CBFA2T3: variants seen among roughly 807,000 people sequenced by gnomAD.
The protein encoded by CBFA2T3 is CBFA2/RUNX1 partner transcriptional co-repressor 3.
Under a neutral mutation model 58.6 loss-of-function variants are expected in CBFA2T3, and 31 were observed. The observed-to-expected ratio is 0.53, with a 90% confidence interval of 0.40 to 0.71. CBFA2T3 has a LOEUF of 0.71. Among genes scored for constraint, CBFA2T3 ranks in the 30% least tolerant of loss-of-function variants. CBFA2T3 has a pLI of 0.00. For synonymous variants in CBFA2T3, 531 were observed against 421.9 expected, an observed-to-expected ratio of 1.26 and a Z score of -3.17; for missense variants, 1,076 against 963.1, an observed-to-expected ratio of 1.12 and a Z score of -1.55.
chr16:88,953,810 C>T lies in CBFA2T3; in HGVS notation c.151+22847G>A, dbSNP rs541129088. Among the ~76,000 whole-genome samples the T allele has an allele frequency of 6.6e-6, 1 of 152,176 alleles. No homozygotes were observed. Among genetic ancestry groups the T allele is most frequent in the African/African-American group, 2.4e-5 (1 of 41,422 alleles). On this transcript the variant is annotated intron_variant, in intron 1 of 11. Transcript: ENST00000268679. This position sits in a 1 kb window ranked among gnomAD's most constrained non-coding sequence, Gnocchi z 4.9. ...CCCTGAATCTTAATCATATGTGTCT[C>T]TGGGTTTCCCTTAAGGGGGATGGCT...
intron 1 of CBFA2T3, among the ~76,000 whole-genome samples, chr16:88,927,221 G>A (rs550585583): frequency 6.6e-6 from 1 of 152,228 alleles, no homozygotes; most frequent in Admixed American, 6.5e-5. Context: ...ATGGAGGCGT[G>A]GCTCAGAGAT....
intron 3 of CBFA2T3, among the ~76,000 whole-genome samples, chr16:88,895,435 G>A (rs760594902): frequency 2.6e-5 from 4 of 152,204 alleles, no homozygotes; most frequent in Admixed American, 2.0e-4. Flanking sequence ...CAGGCTGCGC[G>A]GTTATCACAC....
intron 1 of CBFA2T3, among the ~76,000 whole-genome samples, chr16:88,928,588 C>T (rs1971162723): frequency 1.3e-5 from 2 of 152,238 alleles, no homozygotes. Context: ...GCCGGCGACC[C>T]CGGGCGCTGT....
intron 1 of CBFA2T3, among the ~76,000 whole-genome samples, chr16:88,907,852 A>G (rs114101017): frequency 0.054 from 8,153 of 152,312 alleles, 354 homozygotes; most frequent in African/African-American, 0.12. Context: ...CTGGCTCTGG[A>G]CACAGTGCGC....
At chr16:88,914,083 G>GA (rs1970611420) in intron 1 of CBFA2T3, among the ~76,000 whole-genome samples, 1 of 152,178 alleles carries the variant, frequency 6.6e-6, no homozygotes, top group Non-Finnish European at 1.5e-5. Flanking sequence ...ATACAGCAAG[G>GA]AAAAAGGACA....
chr16:88,956,461 C>T (rs1347311235), intron 1 of CBFA2T3, among the ~76,000 whole-genome samples: 2 of 152,226 alleles, frequency 1.3e-5, no homozygotes, highest in Non-Finnish European at 1.5e-5. Context: ...CAGCAGCTCC[C>T]GGAGGGTGGA....
At chr16:88,930,056 C>G (rs903036666) in intron 1 of CBFA2T3, among the ~76,000 whole-genome samples, 13 of 137,338 alleles carry the variant, frequency 9.5e-5, no homozygotes, top group East Asian at 2.2e-4. Flanking sequence ...ACAGCTGCAT[C>G]GTCCACGCAA....
At chr16:88,904,250 C>T (rs1263405747) in intron 1 of CBFA2T3, among the ~76,000 whole-genome samples, 1 of 152,122 alleles carries the variant, frequency 6.6e-6, no homozygotes, top group Non-Finnish European at 1.5e-5. Context: ...CTTCAGAGGC[C>T]TGGACAGAGG....
chr16:88,905,481 C>A (rs1450215509), intron 1 of CBFA2T3, among the ~76,000 whole-genome samples: 1 of 151,944 alleles, frequency 6.6e-6, no homozygotes, highest in African/African-American at 2.4e-5. Flanking sequence ...TCTTGTTTGA[C>A]CTGTTTGCAG....
At chr16:88,884,845 G>T in intron 7 of CBFA2T3, 1 of 478,662 alleles carries the variant, frequency 2.1e-6, no homozygotes, top group Non-Finnish European at 3.7e-6. Context: ...GGGGGGAGAG[G>T]TGGGTTCAGG....
intron 1 of CBFA2T3, among the ~76,000 whole-genome samples, chr16:88,916,184 G>A (rs7193498): frequency 0.049 from 7,450 of 151,794 alleles, 564 homozygotes; most frequent in African/African-American, 0.16. Flanking sequence ...TCATGTGTGC[G>A]CATGGGTGTG....
At chr16:88,911,829 G>T (rs1331356060) in intron 1 of CBFA2T3, among the ~76,000 whole-genome samples, 2 of 152,262 alleles carry the variant, frequency 1.3e-5, no homozygotes, top group Non-Finnish European at 2.9e-5. Context: ...CTGAGCATCA[G>T]TGTTGGGGAA....
intron 1 of CBFA2T3, among the ~76,000 whole-genome samples, chr16:88,967,348 C>T (rs535693345): frequency 7.2e-5 from 11 of 152,380 alleles, no homozygotes; most frequent in South Asian, 4.1e-4. Flanking sequence ...TGTAACTGTG[C>T]GAGACACACT....
intron 1 of CBFA2T3, among the ~76,000 whole-genome samples, chr16:88,967,025 C>G (rs190224237): frequency 2.0e-5 from 3 of 152,290 alleles, no homozygotes; most frequent in Admixed American, 2.0e-4. Flanking sequence ...TTGATTGAAG[C>G]ATTGTTTGTA....
chr16:88,949,776 C>G (rs1597781043), intron 1 of CBFA2T3, among the ~76,000 whole-genome samples: 1 of 151,946 alleles, frequency 6.6e-6, no homozygotes. Flanking sequence ...TTTGGGAGGC[C>G]GAGGCAGGCA....
chr16:88,905,078 C>CA (rs1335691605), intron 1 of CBFA2T3, among the ~76,000 whole-genome samples: 1 of 151,576 alleles, frequency 6.6e-6, no homozygotes, highest in Non-Finnish European at 1.5e-5. Context: ...CATTTGTGGC[C>CA]AAGAGAACAG....
intron 1 of CBFA2T3, among the ~76,000 whole-genome samples, chr16:88,905,881 G>C (rs577221417): frequency 2.6e-5 from 4 of 151,896 alleles, no homozygotes; most frequent in African/African-American, 9.7e-5. Context: ...CAGGGCAGGA[G>C]ACCCATGGCT....
intron 7 of CBFA2T3, chr16:88,884,236 G>C (rs1486730578): frequency 6.6e-6 from 1 of 152,254 alleles, no homozygotes. Context: ...CTGGGAGATG[G>C]CCTTGTGTAG....
chr16:88,919,492 G>A lies in CBFA2T3; in HGVS notation c.152-17836C>T, dbSNP rs528734757. ...CTAAATAAACATTCCTAACATCAGC[G>A]TGGCCTCAGGCGCTGTCCCTACCGC... On this transcript the variant is annotated intron_variant, in intron 1 of 11. Transcript: ENST00000268679. Among the ~76,000 whole-genome samples the A allele has an allele frequency of 3.3e-5, 5 of 152,298 alleles. No individual in the cohort carries two copies. The South Asian group carries it at 6.2e-4, about 19-fold the overall frequency.
Sources: allele counts gnomAD v4.1 joint callset (sites outside exome capture counted in the v4.1 genomes callset), GRCh38; gene constraint gnomAD v4.1.1; non-coding constraint Gnocchi (gnomAD v3.1); transcripts MANE v1.5; gene names NCBI Gene and HGNC (gene_info 2026-07-23, HGNC 2026-07-21).